The following LMTK2 variants were observed in gnomAD, a reference collection of about 807,000 sequenced individuals.
The protein encoded by LMTK2 is lemur tail kinase 2.
In LMTK2, 37 loss-of-function variants were observed where a neutral mutation model predicts 127.5. That is an observed-to-expected ratio of 0.29 (90% CI 0.22 to 0.38). The LOEUF (loss-of-function observed/expected upper bound fraction) is 0.38, where lower values mean the gene tolerates loss of function less well. LMTK2 is among the 10% of genes least tolerant of loss of function. LMTK2 has a pLI of 1.00. For missense variants in LMTK2, 1,694 were observed against 1,920.3 expected (o/e 0.88, Z 2.20); for synonymous variants, 819 against 810.1 (o/e 1.01, Z -0.19).
intron 3 of LMTK2, among the ~76,000 whole-genome samples, chr7:98,145,630 G>A (rs896418780): frequency 6.6e-6 from 1 of 152,026 alleles, no homozygotes; most frequent in African/African-American, 2.4e-5. Flanking sequence ...CTCCATATGT[G>A]TATAGGTCTA....
chr7:98,167,822 C>T (rs529630858), intron 6 of LMTK2, among the ~76,000 whole-genome samples: 8 of 152,146 alleles, frequency 5.3e-5, no homozygotes, highest in Non-Finnish European at 1.2e-4. Context: ...CTCCAGGGTC[C>T]TTACGGATCA....
intron 1 of LMTK2, among the ~76,000 whole-genome samples, chr7:98,109,510 C>T (rs1244903707): frequency 6.6e-6 from 1 of 151,862 alleles, no homozygotes; most frequent in East Asian, 1.9e-4. Flanking sequence ...TTGGGAGGCC[C>T]AGGTGGGTGG....
In LMTK2 at chr7:98,192,435, T is replaced by C. The variant is rs1797544136; in HGVS notation, c.1970T>C (p.Leu657Ser). The change falls in exon 11 of 14, where the codon TTA (leucine) becomes TCA (serine). Residue 657 changes from leucine to serine, a missense_variant. By Grantham distance (145) the Leu-to-Ser change is moderately radical. Coordinates refer to ENST00000297293, the MANE Select transcript of LMTK2 (RefSeq NM_014916.4). ...SHQKIFDLME[L>S]NGVQADFKPA... ...CAAAAAATATTCGACTTAATGGAAT[T>C]AAACGGAGTTCAAGCCGACTTTAAA... The C allele has an allele frequency of 6.2e-7, 1 of 1,613,282 alleles. No homozygotes were observed. The highest frequency in any genetic ancestry group is 2.2e-5 in the East Asian group (1 of 44,870).
At chr7:98,204,464 A>G (rs961844179) in intron 13 of LMTK2, among the ~76,000 whole-genome samples, 1 of 151,932 alleles carries the variant, frequency 6.6e-6, no homozygotes, top group Non-Finnish European at 1.5e-5. Flanking sequence ...TCTAAAAAAA[A>G]TAAAAACTAA....
rs778244876 is a variant in LMTK2, at chr7:98,156,465, C to CA, written c.569+1601dup. 8.9e-4 allele frequency among the ~76,000 whole-genome samples: 115 copies of CA among 129,506 alleles called. 2 individuals are homozygous for CA. The highest frequency in any genetic ancestry group is 1.5e-3 in the African/African-American group (53 of 34,938). 85.0% of individuals were successfully genotyped at this position (129,506 alleles called of 152,430 possible). A position where few individuals can be genotyped will look rare whatever the true frequency, so the allele number is the denominator to read the frequency against. On this transcript the variant is annotated intron_variant, in intron 5 of 13. Coordinates refer to ENST00000297293, the MANE Select transcript of LMTK2 (RefSeq NM_014916.4). The stretch of plus-strand genomic sequence containing the variant: ...GGGCGACAGAACAAGACTCCGTCTC[C>CA]AAAAAAAAAAAAGCTGTAATGAAAA...
intron 1 of LMTK2, among the ~76,000 whole-genome samples, chr7:98,118,462 G>A (rs1796318338): frequency 2.6e-5 from 4 of 152,238 alleles, no homozygotes; most frequent in South Asian, 4.1e-4. Context: ...TTCTACTGGC[G>A]AGTCTCTTGA....
chr7:98,150,787 A>G (rs1035200669), intron 3 of LMTK2, among the ~76,000 whole-genome samples: 4 of 152,242 alleles, frequency 2.6e-5, no homozygotes, highest in African/African-American at 9.6e-5. Flanking sequence ...CTGGTTGCAT[A>G]ACATTTTAGA....
At chr7:98,159,906 TTA>T (rs1796988046) in intron 6 of LMTK2, among the ~76,000 whole-genome samples, 1 of 152,190 alleles carries the variant, frequency 6.6e-6, no homozygotes, top group South Asian at 2.1e-4. Flanking sequence ...TATGTGACAT[TTA>T]TATGTTTAAA....
rs1414728992 is a variant in LMTK2, at chr7:98,187,123, G to A, written c.998+125G>A. ...TAGGAACAAAAGAGTATCTGATGGT[G>A]TGAAAAAGACAGTTTAAAAGACACA... On this transcript the variant is annotated intron_variant, in intron 9 of 13. Transcript: ENST00000297293. The A allele has an allele frequency of 8.1e-6, 7 of 868,992 alleles. No homozygotes were observed. The African/African-American group carries it at 1.2e-4, about 15-fold the overall frequency. The allele number at this position is 868,992 out of a possible 1,614,324, so 53.8% of individuals were successfully genotyped here. A position where few individuals can be genotyped will look rare whatever the true frequency, so the allele number is the denominator to read the frequency against.
At position 98,194,145 on chromosome 7, in the gene LMTK2, C is replaced by G. The variant is rs749248035; in HGVS notation, c.3680C>G (p.Ser1227Cys). ...TQDDRPCTLA[S>C]TGTNTNELLA... The stretch of plus-strand genomic sequence containing the variant: ...GACGATCGCCCCTGCACCCTCGCTT[C>G]CACGGGGACCAACACGAACGAACTC... Residue 1227 changes from serine (S) to cysteine (C), a missense_variant, in exon 11 of 14, where the codon TCC becomes TGC. Coordinates refer to ENST00000297293, the MANE Select transcript of LMTK2 (RefSeq NM_014916.4). The surrounding 1 kb of genome is among the most constrained non-coding windows in gnomAD (Gnocchi z 5.4). 1 of 1,614,046 alleles carries G rather than the reference C, an allele frequency of 6.2e-7. No individual in the cohort carries two copies. Among genetic ancestry groups the G allele is most frequent in the Non-Finnish European group, 8.5e-7 (1 of 1,180,038 alleles).
At chr7:98,141,202 T>C (rs904225705) in intron 2 of LMTK2, among the ~76,000 whole-genome samples, 195 bp from the exon 3 acceptor site, 2 of 152,000 alleles carry the variant, frequency 1.3e-5, no homozygotes, top group Non-Finnish European at 2.9e-5. Context: ...ACATGAAATA[T>C]GTATAATTTA....
At chr7:98,187,500 G>T in intron 9 of LMTK2, among the ~76,000 whole-genome samples, 2 of 150,750 alleles carry the variant, frequency 1.3e-5, no homozygotes, top group South Asian at 2.1e-4. Context: ...CTTTTGGATT[G>T]ATTTCTTTAA....
At chr7:98,160,821 C>G (rs1391911557) in intron 6 of LMTK2, among the ~76,000 whole-genome samples, 2 of 152,170 alleles carry the variant, frequency 1.3e-5, no homozygotes, top group Non-Finnish European at 2.9e-5. Flanking sequence ...CCTACAATTT[C>G]AACCTTCTAT....
chr7:98,178,243 G>A (rs1797303475), intron 7 of LMTK2, among the ~76,000 whole-genome samples: 1 of 152,200 alleles, frequency 6.6e-6, no homozygotes, highest in Non-Finnish European at 1.5e-5. Flanking sequence ...GATTACTCGG[G>A]AAAGCATAAG....
chr7:98,110,880 G>T (rs1796193231), intron 1 of LMTK2, among the ~76,000 whole-genome samples: 2 of 152,284 alleles, frequency 1.3e-5, no homozygotes, highest in South Asian at 4.1e-4. Context: ...GTGAAACCGA[G>T]CCTCTCGTTT....
intron 10 of LMTK2, among the ~76,000 whole-genome samples, chr7:98,191,140 G>A (rs1797517317): frequency 6.6e-6 from 1 of 152,060 alleles, no homozygotes; most frequent in Non-Finnish European, 1.5e-5. Flanking sequence ...GTAGAGACAG[G>A]GTCTCAGTAT....
chr7:98,186,786 T>G lies in LMTK2; in HGVS notation c.877-91T>G, dbSNP rs1001948565. 50 of 1,184,476 alleles carry G rather than the reference T, an allele frequency of 4.2e-5. No individual in the cohort carries two copies. In the African/African-American group the frequency reaches 7.2e-4, roughly 17 times the overall value. The allele number at this position is 1,184,476 out of a possible 1,614,324, so 73.4% of individuals were successfully genotyped here. A position where few individuals can be genotyped will look rare whatever the true frequency, so the allele number is the denominator to read the frequency against. Reference sequence around the variant, plus strand: ...TCTGACCTGGTTTTTGGATTGGGTATATGTTTTCTGAGAATACCATGGATT... The same window carrying G: ...TCTGACCTGGTTTTTGGATTGGGTAGATGTTTTCTGAGAATACCATGGATT... On this transcript the variant is annotated intron_variant, in intron 8 of 13. Coordinates refer to ENST00000297293, the MANE Select transcript of LMTK2 (RefSeq NM_014916.4).
intron 9 of LMTK2, among the ~76,000 whole-genome samples, chr7:98,187,943 A>C (rs2116453706): frequency 6.6e-6 from 1 of 152,300 alleles, no homozygotes; most frequent in Non-Finnish European, 1.5e-5. Flanking sequence ...TGATCAAATC[A>C]GGGTAACTAG....
At chr7:98,110,498 A>G (rs186486430) in intron 1 of LMTK2, among the ~76,000 whole-genome samples, 2 of 152,264 alleles carry the variant, frequency 1.3e-5, no homozygotes, top group African/African-American at 4.8e-5. Flanking sequence ...ATGTAAAGGG[A>G]GAAAGTTCAC....
Sources: allele counts gnomAD v4.1 joint callset (sites outside exome capture counted in the v4.1 genomes callset), GRCh38; gene constraint gnomAD v4.1.1; non-coding constraint Gnocchi (gnomAD v3.1); transcripts MANE v1.5; gene names NCBI Gene and HGNC (gene_info 2026-07-23, HGNC 2026-07-21).